Variants in IGBP1C observed in about 807,000 individuals in gnomAD.
The protein encoded by IGBP1C is IGBP1 family member C.
chr17:58,673,523 T>A, the IGBP1C span, among the ~76,000 whole-genome samples: 4 of 112,960 alleles, frequency 3.5e-5, no homozygotes, highest in African/African-American at 6.9e-5. Flanking sequence ...AAATAAATAA[T>A]TGTATTGTAA....
the IGBP1C span, among the ~76,000 whole-genome samples, chr17:58,668,521 G>A: frequency 1.3e-5 from 2 of 152,188 alleles, no homozygotes; most frequent in Admixed American, 6.5e-5. Flanking sequence ...TCCCAGCACA[G>A]GGAGAAGAAC....
At chr17:58,660,926 G>A in the IGBP1C span, 1 of 913,066 alleles carries the variant, frequency 1.1e-6, no homozygotes, top group Non-Finnish European at 1.9e-6. Flanking sequence ...CTCTCTTGAA[G>A]AGTCTTTCTC....
the IGBP1C span, among the ~76,000 whole-genome samples, chr17:58,667,115 C>T: frequency 6.6e-6 from 1 of 152,206 alleles, no homozygotes; most frequent in Non-Finnish European, 1.5e-5. Flanking sequence ...GGAGAGTTTC[C>T]TTGAGCTAAC....
At chr17:58,679,547 T>C in the IGBP1C span, 10 of 152,102 alleles carry the variant, frequency 6.6e-5, no homozygotes, top group South Asian at 2.1e-4. Flanking sequence ...ACCAACATAG[T>C]CCCCACTACC....
the IGBP1C span, among the ~76,000 whole-genome samples, chr17:58,670,064 C>T: frequency 6.6e-6 from 1 of 152,180 alleles, no homozygotes. Flanking sequence ...CTGTGTAGTT[C>T]CCCTTGCTTA....
At chr17:58,682,029 A>G in the IGBP1C span, among the ~76,000 whole-genome samples, 7 of 150,618 alleles carry the variant, frequency 4.6e-5, no homozygotes, top group Non-Finnish European at 1.0e-4. Context: ...TGGCACCATC[A>G]CAGCTCACTG....
At chr17:58,665,544 C>T in the IGBP1C span, among the ~76,000 whole-genome samples, 1 of 151,704 alleles carries the variant, frequency 6.6e-6, no homozygotes, top group Admixed American at 6.6e-5. Context: ...TGCAGTGAGC[C>T]GAGATCGCGC....
At chr17:58,662,968 C>T in the IGBP1C span, among the ~76,000 whole-genome samples, 1 of 151,758 alleles carries the variant, frequency 6.6e-6, no homozygotes, top group Non-Finnish European at 1.5e-5. Flanking sequence ...ATTAGCCGGG[C>T]GTGGTGGTGG....
chr17:58,687,172 G>C, the IGBP1C span, among the ~76,000 whole-genome samples: 1 of 152,032 alleles, frequency 6.6e-6, no homozygotes, highest in Non-Finnish European at 1.5e-5. Flanking sequence ...AGATTTGCTG[G>C]AGGCAATCAC....
chr17:58,683,886 G>A, the IGBP1C span, among the ~76,000 whole-genome samples: 1 of 150,956 alleles, frequency 6.6e-6, no homozygotes, highest in South Asian at 2.1e-4. Context: ...CCAACATGAT[G>A]AAACCCCATC....
the IGBP1C span, among the ~76,000 whole-genome samples, chr17:58,680,129 G>A: frequency 6.6e-6 from 1 of 152,022 alleles, no homozygotes. Flanking sequence ...GCCCAGGCTG[G>A]GGTACAGTAG....
At chr17:58,661,754 G>A in the IGBP1C span, 3 of 556,876 alleles carry the variant, frequency 5.4e-6, no homozygotes, top group African/African-American at 1.9e-5. Context: ...GGAAGGCAAC[G>A]GAGTCGGTTG....
the IGBP1C span, among the ~76,000 whole-genome samples, chr17:58,682,919 T>A: frequency 6.6e-6 from 1 of 151,908 alleles, no homozygotes; most frequent in Non-Finnish European, 1.5e-5. Context: ...CTCATTTCTT[T>A]GATTAGAAAA....
chr17:58,683,052 CAAAAAA>C, the IGBP1C span, among the ~76,000 whole-genome samples: 183 of 54,036 alleles, frequency 3.4e-3, no homozygotes, highest in African/African-American at 0.01. Flanking sequence ...GAGTCTGTCT[CAAAAAA>C]AAAAAAAAAA....
chr17:58,687,909 C>T, the IGBP1C span, among the ~76,000 whole-genome samples: 1 of 152,098 alleles, frequency 6.6e-6, no homozygotes, highest in Non-Finnish European at 1.5e-5. Context: ...AGATTATAAG[C>T]TCCATGAGGG....
chr17:58,677,017 G>C, the IGBP1C span, among the ~76,000 whole-genome samples: 1 of 151,506 alleles, frequency 6.6e-6, no homozygotes, highest in Non-Finnish European at 1.5e-5. Context: ...TACTCAGGAG[G>C]CTGAGGCAGG....
chr17:58,672,601 TG>T, the IGBP1C span, among the ~76,000 whole-genome samples: 1 of 152,080 alleles, frequency 6.6e-6, no homozygotes, highest in Admixed American at 6.6e-5. Context: ...GCCCAGCTAA[TG>T]TTTTTTTATT....
the IGBP1C span, among the ~76,000 whole-genome samples, chr17:58,674,840 A>G: frequency 1.1e-4 from 16 of 139,704 alleles, no homozygotes; most frequent in East Asian, 1.7e-3. Flanking sequence ...AGGCCTTTGG[A>G]AAAAAAAAAA....
At chr17:58,669,791 C>T in the IGBP1C span, among the ~76,000 whole-genome samples, 1 of 147,286 alleles carries the variant, frequency 6.8e-6, no homozygotes, top group East Asian at 2.0e-4. Flanking sequence ...TGAGGTTTAG[C>T]AAGAAGCACC....
Sources: gnomAD v4.1 joint callset for allele counts (sites outside exome capture counted in the v4.1 genomes callset) on GRCh38, gnomAD v4.1.1 for gene constraint, MANE v1.5 for transcripts, NCBI Gene and HGNC (gene_info 2026-07-23, HGNC 2026-07-21) for gene names.